BAZ2B: variants seen among roughly 807,000 people sequenced by gnomAD.
The protein encoded by BAZ2B is bromodomain adjacent to zinc finger domain protein 2B.
A neutral mutation model predicts 246.0 loss-of-function variants in BAZ2B; 91 were observed. That is an observed-to-expected ratio of 0.37 (90% CI 0.31 to 0.44). BAZ2B has a LOEUF of 0.44. BAZ2B is among the 20% of genes least tolerant of loss of function. BAZ2B has a pLI of 1.00. For missense variants in BAZ2B, 2,332 were observed against 2,533.7 expected (o/e 0.92, Z 1.71); for synonymous variants, 855 against 860.0 (o/e 0.99, Z 0.10).
intron 1 of BAZ2B, among the ~76,000 whole-genome samples, chr2:159,589,877 G>A (rs1688895169): frequency 2.6e-5 from 4 of 152,024 alleles, no homozygotes; most frequent in African/African-American, 9.7e-5. Flanking sequence ...AAACCTTTAA[G>A]TCAACCAGAT....
In BAZ2B at chr2:159,383,599, GACTT is replaced by G; in HGVS notation, c.3761+3_3761+6del. The G allele has an allele frequency of 6.2e-7, 1 of 1,602,430 alleles. No homozygotes were observed. The highest frequency in any genetic ancestry group is 8.5e-7 in the Non-Finnish European group (1 of 1,170,672). On this transcript the variant is annotated splice_donor_5th_base_variant and intron_variant, in intron 24 of 36. Coordinates refer to ENST00000392783, the MANE Select transcript of BAZ2B (RefSeq NM_013450.4). ...CAGTACATTAACTTTAATAAAACAG[GACTT>G]ACTTGCGGAGTTTACCTTCTACCAC... is the stretch of plus-strand genomic sequence containing the variant.
chr2:159,340,119 G>C (rs1433048755), intron 31 of BAZ2B, among the ~76,000 whole-genome samples: 1 of 151,662 alleles, frequency 6.6e-6, no homozygotes, highest in Non-Finnish European at 1.5e-5. Flanking sequence ...AATGAATAAA[G>C]TAAAAAATAC....
chr2:159,421,005 C>T (rs540136789), intron 13 of BAZ2B, among the ~76,000 whole-genome samples: 2 of 152,288 alleles, frequency 1.3e-5, no homozygotes, highest in Non-Finnish European at 2.9e-5. Context: ...AAGTCTATCA[C>T]TCCTCTAAAA....
chr2:159,526,279 T>A (rs1180416253), intron 2 of BAZ2B, among the ~76,000 whole-genome samples: 1 of 152,112 alleles, frequency 6.6e-6, no homozygotes, highest in Non-Finnish European at 1.5e-5. Flanking sequence ...TCACATAAAC[T>A]GGTACAATTA....
intron 1 of BAZ2B, among the ~76,000 whole-genome samples, chr2:159,595,278 T>C (rs1471028745): frequency 6.6e-6 from 1 of 151,952 alleles, no homozygotes; most frequent in Non-Finnish European, 1.5e-5. Context: ...AATTTTGTAT[T>C]TTTAGTAGAG....
At chr2:159,362,284 C>T (rs560052723) in intron 27 of BAZ2B, among the ~76,000 whole-genome samples, 12 of 152,282 alleles carry the variant, frequency 7.9e-5, no homozygotes, top group African/African-American at 2.9e-4. Context: ...TTCTCAGCGT[C>T]CTCCCTATGT....
At chr2:159,707,642 A>G in the BAZ2B span, among the ~76,000 whole-genome samples, 1 of 152,128 alleles carries the variant, frequency 6.6e-6, no homozygotes, top group South Asian at 2.1e-4. Flanking sequence ...CCTGAATAAC[A>G]TGATAAAACT....
chr2:159,428,119 C>T (rs2070331194), intron 12 of BAZ2B, 77 bp from the exon 13 acceptor site: 1 of 1,374,672 alleles, frequency 7.3e-7, no homozygotes, highest in Non-Finnish European at 1.0e-6. Flanking sequence ...AGCTTCAGGA[C>T]ACTAATGTTT....
At chr2:159,439,296 C>A in intron 6 of BAZ2B, 84 bp from the exon 7 acceptor site, 1 of 1,173,844 alleles carries the variant, frequency 8.5e-7, no homozygotes, top group East Asian at 2.4e-5. Context: ...TTTTAATTTT[C>A]AAATGATATT....
chr2:159,413,698 G>C (rs922975472), intron 13 of BAZ2B, among the ~76,000 whole-genome samples: 3 of 150,844 alleles, frequency 2.0e-5, no homozygotes, highest in Admixed American at 6.6e-5. Context: ...ATAAGAGCGA[G>C]ACTTCATCTC....
chr2:159,495,245 G>A (rs2080947445), intron 2 of BAZ2B, among the ~76,000 whole-genome samples: 1 of 151,698 alleles, frequency 6.6e-6, no homozygotes, highest in Admixed American at 6.6e-5. Context: ...CAGCACTTTG[G>A]GAGGCCGAGG....
chr2:159,529,185 A>G (rs2085087442), intron 2 of BAZ2B, among the ~76,000 whole-genome samples: 1 of 152,160 alleles, frequency 6.6e-6, no homozygotes, highest in African/African-American at 2.4e-5. Context: ...TATGTCTTCC[A>G]AACTTACTTG....
At chr2:159,695,909 A>C in the BAZ2B span, among the ~76,000 whole-genome samples, 1 of 151,884 alleles carries the variant, frequency 6.6e-6, no homozygotes, top group Non-Finnish European at 1.5e-5. Flanking sequence ...CACGCATGCC[A>C]CCATGCCTGG....
downstream of BAZ2B, among the ~76,000 whole-genome samples, chr2:159,316,689 C>CAAAAAAAAAAAAAAAAAAAAAAAAA (rs765748671): frequency 2.8e-5 from 1 of 36,244 alleles, no homozygotes; most frequent in African/African-American, 1.2e-4. Flanking sequence ...GACTCCATCT[C>CAAAAAAAAAAAAAAAAAAAAAAAAA]AAAAAAAAAA....
At chr2:159,414,538 C>T (rs575461595) in intron 13 of BAZ2B, among the ~76,000 whole-genome samples, 6 of 152,136 alleles carry the variant, frequency 3.9e-5, no homozygotes, top group East Asian at 1.9e-4. Context: ...CTCATGTGGC[C>T]GGGCGCGGTG....
At chr2:159,318,572 C>T (rs187232183), downstream of BAZ2B, among the ~76,000 whole-genome samples, 247 of 152,284 alleles carry the variant, frequency 1.6e-3, 2 homozygotes, top group Admixed American at 5.2e-4. Context: ...CGGAGTCTGG[C>T]GGAGCCCAGC....
chr2:159,471,141 A>C (rs1450317631), intron 3 of BAZ2B, among the ~76,000 whole-genome samples: 1 of 152,184 alleles, frequency 6.6e-6, no homozygotes, highest in Non-Finnish European at 1.5e-5. Flanking sequence ...GCTATGTCAA[A>C]TTCTGCTGAG....
the BAZ2B span, among the ~76,000 whole-genome samples, chr2:159,699,101 A>AG: frequency 6.6e-6 from 1 of 152,188 alleles, no homozygotes; most frequent in East Asian, 1.9e-4. Context: ...CAAGGAATAT[A>AG]GGGTGGTAGC....
intron 16 of BAZ2B, among the ~76,000 whole-genome samples, chr2:159,402,127 T>A (rs2065171398): frequency 6.6e-6 from 1 of 152,168 alleles, no homozygotes; most frequent in Non-Finnish European, 1.5e-5. Flanking sequence ...TGGTACTGAA[T>A]ATTAATTGTA....
Sources: gnomAD v4.1 joint callset for allele counts (sites outside exome capture counted in the v4.1 genomes callset) on GRCh38, gnomAD v4.1.1 for gene constraint, MANE v1.5 for transcripts, NCBI Gene and HGNC (gene_info 2026-07-23, HGNC 2026-07-21) for gene names.